The following GSE1 variants were observed in gnomAD, a reference collection of about 807,000 sequenced individuals.
GSE1 encodes the protein Gse1 coiled-coil protein, also known as genetic suppressor element 1.
A neutral mutation model predicts 112.6 loss-of-function variants in GSE1; 32 were observed. The observed-to-expected ratio is 0.28, with a 90% CI of 0.21 to 0.38. GSE1 has a LOEUF of 0.38. GSE1 is among the 10% of genes least tolerant of loss of function. The pLI, the probability that GSE1 is intolerant of heterozygous loss-of-function variation, is 1.00. For missense variants in GSE1, 2,348 were observed against 1,699.2 expected (o/e 1.38, Z -6.71); for synonymous variants, 1,115 against 735.6 (o/e 1.52, Z -8.35).
At chr16:85,544,965 C>T (rs2044646420) in intron 2 of GSE1, among the ~76,000 whole-genome samples, 3 of 152,270 alleles carry the variant, frequency 2.0e-5, no homozygotes, top group South Asian at 4.1e-4. Context: ...GGTTCAGGGA[C>T]TGCAGAGTCG....
At chr16:85,621,273 T>C (rs1445048198) in intron 1 of GSE1, among the ~76,000 whole-genome samples, 1 of 152,198 alleles carries the variant, frequency 6.6e-6, no homozygotes, top group East Asian at 1.9e-4. Context: ...TGTGCTCTGT[T>C]GGGGAACCCG....
chr16:85,508,055 G>A (rs528888959), intron 2 of GSE1, among the ~76,000 whole-genome samples: 2 of 152,286 alleles, frequency 1.3e-5, no homozygotes, highest in South Asian at 4.1e-4. Context: ...TGTCTTTTGA[G>A]ATGGAGTCTT....
chr16:85,478,972 C>T (rs909316683), intron 2 of GSE1, among the ~76,000 whole-genome samples: 932 of 17,680 alleles, frequency 0.053, 252 homozygotes, highest in African/African-American at 0.43. Flanking sequence ...TCTTTCCTTC[C>T]TTCCTTCCTT....
intron 1 of GSE1, among the ~76,000 whole-genome samples, chr16:85,293,330 G>C (rs1466442892): frequency 6.6e-6 from 1 of 152,088 alleles, no homozygotes. Flanking sequence ...TGCATCACTT[G>C]AACTCAGGAG....
At chr16:85,192,227 T>C (rs1203740893) in intron 1 of GSE1, among the ~76,000 whole-genome samples, 1 of 152,168 alleles carries the variant, frequency 6.6e-6, no homozygotes, top group Non-Finnish European at 1.5e-5. Context: ...TTTAGAGGGG[T>C]TAGGATTATT....
intron 13 of GSE1, 89 bp from the exon 14 acceptor site, chr16:85,668,051 G>A (rs1029860383): frequency 1.0e-6 from 1 of 1,003,190 alleles, no homozygotes; most frequent in Non-Finnish European, 1.5e-6. Context: ...TGTTGACTCT[G>A]CACCAAGGGC....
chr16:85,374,547 CG>C (rs2047377797), intron 2 of GSE1, among the ~76,000 whole-genome samples: 1 of 146,196 alleles, frequency 6.8e-6, no homozygotes, highest in Non-Finnish European at 1.5e-5. Flanking sequence ...TGTGTGTGCG[CG>C]CGCGCGTGCA....
At chr16:85,229,474 C>G (rs2075545191) in intron 1 of GSE1, among the ~76,000 whole-genome samples, 1 of 152,256 alleles carries the variant, frequency 6.6e-6, no homozygotes, top group Non-Finnish European at 1.5e-5. Flanking sequence ...AGTGCGGCAT[C>G]CAGAGTCTCT....
chr16:85,308,667 T>C (rs2045746245), intron 1 of GSE1, among the ~76,000 whole-genome samples: 1 of 152,014 alleles, frequency 6.6e-6, no homozygotes, highest in Non-Finnish European at 1.5e-5. Context: ...AAGAAGAACA[T>C]ATATTTTTAA....
chr16:85,452,082 C>G (rs533500769), intron 2 of GSE1, among the ~76,000 whole-genome samples: 1 of 152,180 alleles, frequency 6.6e-6, no homozygotes, highest in East Asian at 1.9e-4. Flanking sequence ...GAAGATGCAT[C>G]TTTGTCCCCG....
intron 2 of GSE1, among the ~76,000 whole-genome samples, chr16:85,382,928 G>A (rs543828869): frequency 3.6e-4 from 54 of 148,574 alleles, no homozygotes; most frequent in African/African-American, 9.2e-4. Flanking sequence ...ATGCACACAC[G>A]CGCACACAAC....
chr16:85,192,159 G>A (rs2074836981), intron 1 of GSE1, among the ~76,000 whole-genome samples: 1 of 152,182 alleles, frequency 6.6e-6, no homozygotes, highest in African/African-American at 2.4e-5. Context: ...ACTGTGGGTG[G>A]GACCATGCTG....
intron 1 of GSE1, among the ~76,000 whole-genome samples, chr16:85,227,033 C>T (rs79186051): frequency 0.011 from 1,716 of 150,590 alleles, 34 homozygotes; most frequent in African/African-American, 0.04. Context: ...ACCCACCCAC[C>T]CATTTTCCTT....
intron 1 of GSE1, among the ~76,000 whole-genome samples, chr16:85,238,844 C>T (rs1402213878): frequency 2.0e-5 from 3 of 152,234 alleles, no homozygotes; most frequent in Non-Finnish European, 2.9e-5. Context: ...TCCAGTCCTT[C>T]CTCCAACAGA....
chr16:85,525,284 G>T (rs78499114), intron 2 of GSE1, among the ~76,000 whole-genome samples: 25,782 of 152,168 alleles, frequency 0.17, 2,513 homozygotes, highest in Admixed American at 0.24. Flanking sequence ...GACCGCCGGG[G>T]GCACAGACAG....
chr16:85,257,401 A>G (rs544792129), intron 1 of GSE1, among the ~76,000 whole-genome samples: 3 of 152,270 alleles, frequency 2.0e-5, no homozygotes, highest in African/African-American at 7.2e-5. Context: ...ATGAGCCACC[A>G]CGCTCAGCAA....
chr16:85,285,275 G>A (rs1350411836), intron 1 of GSE1: 1 of 152,240 alleles, frequency 6.6e-6, no homozygotes, highest in Non-Finnish European at 1.5e-5. Context: ...TCACGAGAGT[G>A]TGTGCTTGTC....
chr16:85,210,323 A>G (rs955306891), intron 1 of GSE1, among the ~76,000 whole-genome samples: 1 of 152,196 alleles, frequency 6.6e-6, no homozygotes, highest in Non-Finnish European at 1.5e-5. Flanking sequence ...TGTCCACAGT[A>G]AGGTGTGATT....
intron 1 of GSE1, among the ~76,000 whole-genome samples, chr16:85,631,180 C>T (rs562937061): frequency 6.6e-6 from 1 of 152,326 alleles, no homozygotes; most frequent in South Asian, 2.1e-4. Context: ...TCTTTCTAGA[C>T]ATTCCCTCCT....
Sources: gnomAD v4.1 joint callset for allele counts (sites outside exome capture counted in the v4.1 genomes callset) on GRCh38, gnomAD v4.1.1 for gene constraint, MANE v1.5 for transcripts, NCBI Gene and HGNC (gene_info 2026-07-23, HGNC 2026-07-21) for gene names.